The following REPS2 variants were observed in gnomAD, a reference collection of about 807,000 sequenced individuals.
The protein encoded by REPS2 is ralBP1-associated Eps domain-containing protein 2.
In REPS2, 23 loss-of-function variants were observed where a neutral mutation model predicts 53.6. The ratio of observed to expected loss-of-function variants is 0.43; its 90% CI spans 0.31 to 0.61. The LOEUF is 0.61. REPS2 is among the 20% of genes least tolerant of loss of function. The pLI, the probability that REPS2 is intolerant of heterozygous loss-of-function variation, is 0.11. For missense variants in REPS2, 446 were observed against 534.9 expected, an observed-to-expected ratio of 0.83 and a Z score of 1.64; for synonymous variants, 238 against 218.6, an observed-to-expected ratio of 1.09 and a Z score of -0.78.
chrX:17,050,125 T>TCTTTCTTC (rs1408542437), intron 6 of REPS2, among the ~76,000 whole-genome samples: 7 of 70,005 alleles, frequency 1.0e-4, no homozygotes, highest in African/African-American at 3.1e-4. Flanking sequence ...GTTTCTTCTT[T>TCTTTCTTC]CTTTCTTCCT....
intron 5 of REPS2, among the ~76,000 whole-genome samples, chrX:17,038,483 C>A: frequency 8.9e-6 from 1 of 112,039 alleles, no homozygotes; most frequent in Non-Finnish European, 1.9e-5. Flanking sequence ...CATTGGGAAA[C>A]TGCTGCCCTA....
chrX:17,179,541 A>G, the REPS2 span, among the ~76,000 whole-genome samples: 1 of 111,896 alleles, frequency 8.9e-6, no homozygotes, highest in Middle Eastern at 4.2e-3. Context: ...AGCCCAGTTG[A>G]GCTGCCCCAA....
chrX:16,952,252 G>A (rs1438695954), intron 1 of REPS2, among the ~76,000 whole-genome samples: 1 of 110,969 alleles, frequency 9.0e-6, no homozygotes, highest in African/African-American at 3.3e-5. Context: ...AATAGGCCCC[G>A]GTGTGTGATG....
intron 1 of REPS2, among the ~76,000 whole-genome samples, chrX:16,951,154 C>T (rs1269586810): frequency 8.9e-6 from 1 of 111,931 alleles, no homozygotes; most frequent in Non-Finnish European, 1.9e-5. Flanking sequence ...CTTTGAATAC[C>T]AACAAAATAC....
chrX:17,111,069 A>C (rs1417707778), intron 14 of REPS2, among the ~76,000 whole-genome samples: 2 of 112,084 alleles, frequency 1.8e-5, no homozygotes, highest in Non-Finnish European at 3.8e-5. Context: ...GTATTTTCGG[A>C]TTTTGGATAC....
chrX:17,053,837 G>A (rs2062032807), intron 7 of REPS2, among the ~76,000 whole-genome samples: 1 of 111,822 alleles, frequency 8.9e-6, no homozygotes, highest in Admixed American at 9.5e-5. Context: ...CCCTCACTCT[G>A]GGGAACAGCT....
intron 1 of REPS2, among the ~76,000 whole-genome samples, chrX:16,967,859 TA>T (rs1163343554): frequency 9.2e-6 from 1 of 109,270 alleles, no homozygotes; most frequent in African/African-American, 3.3e-5. Context: ...TTTTTTTTTT[TA>T]ATTGATCATT....
chrX:17,175,391 G>A, the REPS2 span, among the ~76,000 whole-genome samples: 1 of 112,715 alleles, frequency 8.9e-6, no homozygotes, highest in African/African-American at 3.2e-5. Context: ...GCCGTAGAGA[G>A]GAAGCCTCCT....
chrX:17,179,257 C>G, the REPS2 span, among the ~76,000 whole-genome samples: 1 of 111,804 alleles, frequency 8.9e-6, no homozygotes, highest in East Asian at 2.8e-4. Context: ...GGATTTGTGA[C>G]TATTTCCACA....
Position 17,074,033 on chromosome X carries a change from A to G in REPS2, c.1334-81A>G, listed in dbSNP as rs745464800. 5.4e-5 allele frequency: 44 copies of G among 820,024 alleles called. No individual in the cohort carries two copies. The South Asian group carries it at 1.1e-3, about 20-fold the overall frequency. 67.6% of individuals were successfully genotyped at this position (820,024 alleles called of 1,213,427 possible). A position where few individuals can be genotyped will look rare whatever the true frequency, so the allele number is the denominator to read the frequency against. On this transcript the variant is annotated intron_variant, in intron 11 of 17. Coordinates refer to ENST00000357277, the MANE Select transcript of REPS2 (RefSeq NM_004726.3). ...ACTTTTACCTCACATTTACCTGTTG[A>G]TGTGTTCTGTACTAGCCCAGGTGCT...
At chrX:17,174,929 C>T in the REPS2 span, among the ~76,000 whole-genome samples, 24 of 113,142 alleles carry the variant, frequency 2.1e-4, no homozygotes, top group African/African-American at 7.7e-4. Context: ...CCTGGCTGCC[C>T]GCCACTGGAG....
At chrX:17,044,802 G>A (rs188275509) in intron 5 of REPS2, among the ~76,000 whole-genome samples, 86 of 112,153 alleles carry the variant, frequency 7.7e-4, no homozygotes, top group Middle Eastern at 4.6e-3. Context: ...AATGGAACCT[G>A]GTCAGACATC....
intron 2 of REPS2, among the ~76,000 whole-genome samples, chrX:17,021,148 G>A (rs182177438): frequency 2.3e-4 from 26 of 112,185 alleles, no homozygotes; most frequent in African/African-American, 8.1e-4. Flanking sequence ...ACACTGATGA[G>A]TATTATCCTG....
At chrX:17,044,663 G>C (rs1309645339) in intron 5 of REPS2, among the ~76,000 whole-genome samples, 2 of 111,665 alleles carry the variant, frequency 1.8e-5, no homozygotes, top group Admixed American at 9.5e-5. Context: ...CTGGCTTTTA[G>C]GTTCCTTTGC....
chrX:17,174,091 G>C, the REPS2 span, among the ~76,000 whole-genome samples: 2 of 110,923 alleles, frequency 1.8e-5, no homozygotes. Context: ...TGTAAAGTAG[G>C]TACTAATGCT....
chrX:17,074,072 T>C, intron 11 of REPS2, 42 bp from the exon 12 acceptor site: 2 of 1,182,729 alleles, frequency 1.7e-6, no homozygotes, highest in Non-Finnish European at 2.3e-6. Context: ...TATAAACTTG[T>C]TTAACTGCAG....
intron 17 of REPS2, among the ~76,000 whole-genome samples, chrX:17,142,257 A>C (rs1170845326): frequency 8.9e-6 from 1 of 112,193 alleles, no homozygotes; most frequent in Non-Finnish European, 1.9e-5. Flanking sequence ...AGAGCTATAA[A>C]ATTTTTAGAA....
chrX:17,005,681 A>G lies in REPS2; in HGVS notation c.274-540A>G, dbSNP rs112630141. ...GATGGGATGGAAACTGACAATTATT[A>G]CAATGTCTTGAAAAATGTGTATATA... On this transcript the variant is annotated intron_variant, in intron 1 of 17. Transcript: ENST00000357277. Among the ~76,000 whole-genome samples the G allele has an allele frequency of 5.0e-3, 558 of 112,258 alleles. 3 individuals carry two copies. The highest frequency in any genetic ancestry group is 0.017 in the African/African-American group (535 of 30,886).
intron 9 of REPS2, among the ~76,000 whole-genome samples, chrX:17,065,289 G>A (rs2062210273): frequency 8.9e-6 from 1 of 112,210 alleles, no homozygotes; most frequent in Admixed American, 9.4e-5. Context: ...AACACTTATT[G>A]TCTGCCTTTT....
Sources: gnomAD v4.1 joint callset for allele counts (sites outside exome capture counted in the v4.1 genomes callset) on GRCh38, gnomAD v4.1.1 for gene constraint, MANE v1.5 for transcripts, NCBI Gene and HGNC (gene_info 2026-07-23, HGNC 2026-07-21) for gene names.